The following PRKCSH variants were observed in gnomAD, a reference collection of about 807,000 sequenced individuals.
PRKCSH encodes PRKCSH beta subunit of glucosidase II.
In PRKCSH, 42 loss-of-function variants were observed where a neutral mutation model predicts 79.7. The ratio of observed to expected loss-of-function variants is 0.53; its 90% confidence interval spans 0.41 to 0.68. The LOEUF (loss-of-function observed/expected upper bound fraction) is 0.68, where lower values mean the gene tolerates loss of function less well. PRKCSH is among the 30% of genes least tolerant of loss of function. PRKCSH has a pLI of 0.00. For synonymous variants in PRKCSH, 325 were observed against 288.2 expected (o/e 1.13, Z -1.29); for missense variants, 686 against 709.0 (o/e 0.97, Z 0.37).
chr19:11,445,931 G>A (rs1894592198), intron 8 of PRKCSH: 1 of 499,482 alleles, frequency 2.0e-6, no homozygotes, highest in Admixed American at 3.3e-5. Context: ...ATGGGCAAGG[G>A]TGGGGGTGGG....
rs979340045 is a variant in PRKCSH, at chr19:11,435,935, C to G, written c.-77-106C>G. 3.1e-6 allele frequency: 3 copies of G among 969,704 alleles called. No individual in the cohort carries two copies. In the Admixed American group the frequency reaches 5.7e-5, roughly 18 times the overall value. 60.1% of individuals were successfully genotyped at this position (969,704 alleles called of 1,614,324 possible). On this transcript the variant is annotated intron_variant, in intron 1 of 17. Transcript: ENST00000677123. The stretch of plus-strand genomic sequence containing the variant: ...TTGGGGAGATCGCTGCCCCTCGCCC[C>G]CATATCGGAAACAAAGTGAGGCCTC...
Position 11,438,056 on chromosome 19 carries a change from C to G in PRKCSH, c.293-11C>G. On this transcript the variant is annotated splice_polypyrimidine_tract_variant and intron_variant, in intron 4 of 17. Transcript: ENST00000677123. ...TGCCAGGTCTGATCTTGGCTTCTGC[C>G]TCTGCCACAGACTGCTGCGATGGAA... 1 of 1,614,136 alleles carries G rather than the reference C, an allele frequency of 6.2e-7. No individual in the cohort carries two copies. The highest frequency in any genetic ancestry group is 1.1e-5 in the South Asian group (1 of 91,070).
rs776398382 is a variant in PRKCSH at position 11,447,646 on chromosome 19, A to G, written c.1029+28A>G. On this transcript the variant is annotated intron_variant, in intron 11 of 17. Coordinates refer to ENST00000677123, the MANE Select transcript of PRKCSH (RefSeq NM_001289104.2). The surrounding 1 kb of genome is among the most constrained non-coding windows in gnomAD (Gnocchi z 5.6). Reference sequence around the variant, plus strand: ...CCGTGTTTGGGGGAGAAGTGGAGACAGAGAGGGTGGGGGAAGGGCTACTCA... The same window carrying G: ...CCGTGTTTGGGGGAGAAGTGGAGACGGAGAGGGTGGGGGAAGGGCTACTCA... 71 of 1,571,180 alleles carry G rather than the reference A, an allele frequency of 4.5e-5. No individual in the cohort carries two copies. The highest frequency in any genetic ancestry group is 5.4e-5 in the Non-Finnish European group (63 of 1,158,024).
chr19:11,440,758 A>C (rs986582150), intron 5 of PRKCSH, among the ~76,000 whole-genome samples: 1 of 151,986 alleles, frequency 6.6e-6, no homozygotes, highest in African/African-American at 2.4e-5. Flanking sequence ...CAGCCAACCA[A>C]CACACTTAGT....
At chr19:11,440,737 G>A (rs1422559646) in intron 5 of PRKCSH, among the ~76,000 whole-genome samples, 1 of 152,078 alleles carries the variant, frequency 6.6e-6, no homozygotes, top group Admixed American at 6.5e-5. Context: ...ACAGGCATGA[G>A]CCACCACGCC....
intron 9 of PRKCSH, 119 bp downstream of exon 9, chr19:11,446,469 G>T: frequency 8.2e-7 from 1 of 1,212,994 alleles, no homozygotes; most frequent in South Asian, 1.3e-5. Flanking sequence ...TCCTCTGGGT[G>T]AGCTGGGATG....
chr19:11,445,628 C>T (rs960032532), intron 8 of PRKCSH, 155 bp downstream of exon 8: 30 of 755,490 alleles, frequency 4.0e-5, no homozygotes, highest in Admixed American at 1.6e-4. Flanking sequence ...GCCTCTTACT[C>T]GTGGATGGCC....
intron 5 of PRKCSH, 149 bp downstream of exon 5, chr19:11,438,273 C>T (rs1969878182): frequency 2.3e-6 from 2 of 888,100 alleles, no homozygotes; most frequent in South Asian, 1.4e-5. Context: ...CCCCACCTTT[C>T]CCTCTAGTCT....
At chr19:11,439,786 A>G (rs940200041) in intron 5 of PRKCSH, among the ~76,000 whole-genome samples, 2 of 151,312 alleles carry the variant, frequency 1.3e-5, no homozygotes, top group Non-Finnish European at 2.9e-5. Context: ...ACACCCGGCT[A>G]AAATTTGTAT....
chr19:11,449,466 C>T lies in PRKCSH; in HGVS notation c.*16+38C>T. The stretch of plus-strand genomic sequence containing the variant: ...GTGGAGTCTCGTCGGCCTGCCCCAG[C>T]AAGGGGAGGCGGCGGGCCCTGAGGA... On this transcript the variant is annotated intron_variant, in intron 17 of 17. Transcript: ENST00000677123. This position sits in a 1 kb window ranked among gnomAD's most constrained non-coding sequence, Gnocchi z 6.4. 1 of 1,611,740 alleles carries T rather than the reference C, an allele frequency of 6.2e-7. No homozygotes were observed. The highest frequency in any genetic ancestry group is 8.5e-7 in the Non-Finnish European group (1 of 1,179,338).
chr19:11,435,741 G>T, intron 1 of PRKCSH, 35 bp downstream of exon 1: 3 of 1,350,170 alleles, frequency 2.2e-6, no homozygotes, highest in Non-Finnish European at 2.9e-6. Flanking sequence ...GGGCACCTCA[G>T]TTTCTTACAG....
In PRKCSH at chr19:11,448,721, C is replaced by T; in HGVS notation, c.1286+92C>T. 14 of 1,410,062 alleles carry T rather than the reference C, an allele frequency of 9.9e-6. No homozygotes were observed. In the South Asian group the frequency reaches 1.6e-4, roughly 16 times the overall value. The allele number at this position is 1,410,062 out of a possible 1,614,324, so 87.3% of individuals were successfully genotyped here. On this transcript the variant is annotated intron_variant, in intron 14 of 17. Coordinates refer to ENST00000677123, the MANE Select transcript of PRKCSH (RefSeq NM_001289104.2). The surrounding 1 kb of genome is among the most constrained non-coding windows in gnomAD (Gnocchi z 4.4). ...CGGCAGTTTCCTGATGGTTGGGGAA[C>T]CATCTGCGGGTGGGGCCCGAGAGTG...
intron 6 of PRKCSH, among the ~76,000 whole-genome samples, chr19:11,441,936 T>G (rs1258195405): frequency 1.6e-4 from 25 of 152,128 alleles, no homozygotes; most frequent in Non-Finnish European, 1.5e-4. Context: ...GCCCAGTTCC[T>G]CTCCCTCTCT....
intron 5 of PRKCSH, among the ~76,000 whole-genome samples, chr19:11,439,781 C>T (rs1030788042): frequency 6.0e-5 from 9 of 150,964 alleles, no homozygotes; most frequent in African/African-American, 2.2e-4. Context: ...CCACCACACC[C>T]GGCTAAAATT....
chr19:11,436,553 C>T (rs773160283), intron 3 of PRKCSH, 48 bp downstream of exon 3: 1 of 1,412,160 alleles, frequency 7.1e-7, no homozygotes. Context: ...GAACACTGCT[C>T]AGTGCCAGGC....
chr19:11,449,879 C>A lies in PRKCSH; in HGVS notation c.*16+451C>A, dbSNP rs978007290. On this transcript the variant is annotated intron_variant, in intron 17 of 17. Transcript: ENST00000677123. The surrounding 1 kb of genome is among the most constrained non-coding windows in gnomAD (Gnocchi z 6.4). Reference sequence around the variant, plus strand: ...TTGGATGGAGTTTCACTCTTGTTGCCGAGGCTGGAATGTGGAATGCAATGG... The same window carrying A: ...TTGGATGGAGTTTCACTCTTGTTGCAGAGGCTGGAATGTGGAATGCAATGG... 4 of 213,844 alleles carry A rather than the reference C, an allele frequency of 1.9e-5. No individual in the cohort carries two copies. In the South Asian group the frequency reaches 2.9e-4, roughly 15 times the overall value. The allele number at this position is 213,844 out of a possible 1,614,324, so 13.2% of individuals were successfully genotyped here.
rs571579506 is a variant in PRKCSH at position 11,447,670 on chromosome 19, CACTG to C, written c.1030-20_1030-17del. The C allele has an allele frequency of 2.0e-4, 319 of 1,564,632 alleles. No homozygotes were observed. In the African/African-American group the frequency reaches 3.8e-3, roughly 18 times the overall value. On this transcript the variant is annotated intron_variant, in intron 11 of 17. Transcript: ENST00000677123. The surrounding 1 kb of genome is among the most constrained non-coding windows in gnomAD (Gnocchi z 5.6). ...CAGAGAGGGTGGGGGAAGGGCTACT[CACTG>C]ACCCTGCCCCTGCCCCAGGAGGCCC... is the stretch of plus-strand genomic sequence containing the variant.
intron 8 of PRKCSH, among the ~76,000 whole-genome samples, chr19:11,446,039 C>T (rs958114434): frequency 3.3e-5 from 5 of 149,314 alleles, no homozygotes; most frequent in Non-Finnish European, 7.4e-5. Context: ...GAGAGGTCAT[C>T]GGACATTTGG....
chr19:11,447,363 C>T lies in PRKCSH; in HGVS notation c.850-76C>T, dbSNP rs1970357760. On this transcript the variant is annotated intron_variant, in intron 10 of 17. Coordinates refer to ENST00000677123, the MANE Select transcript of PRKCSH (RefSeq NM_001289104.2). The surrounding 1 kb of genome is among the most constrained non-coding windows in gnomAD (Gnocchi z 5.6). ...AGGGGCAGAGACACCGAGGCTGCCCCTTGGGCTGTGGTGTGAGCCTGAGGG... is the reference window on the plus strand; with the variant it reads ...AGGGGCAGAGACACCGAGGCTGCCCTTTGGGCTGTGGTGTGAGCCTGAGGG... The T allele has an allele frequency of 2.0e-6, 3 of 1,524,228 alleles. No individual in the cohort carries two copies. The highest frequency in any genetic ancestry group is 1.4e-5 in the African/African-American group (1 of 73,380). 94.4% of individuals were successfully genotyped at this position (1,524,228 alleles called of 1,614,324 possible). A position where few individuals can be genotyped will look rare whatever the true frequency, so the allele number is the denominator to read the frequency against.
Sources: gnomAD v4.1 joint callset for allele counts (sites outside exome capture counted in the v4.1 genomes callset) on GRCh38, gnomAD v4.1.1 for gene constraint, Gnocchi (gnomAD v3.1) non-coding constraint, MANE v1.5 for transcripts, NCBI Gene and HGNC (gene_info 2026-07-23, HGNC 2026-07-21) for gene names.